The following FHIT variants were observed in gnomAD, a reference collection of about 807,000 sequenced individuals.
The protein encoded by FHIT is fragile histidine triad diadenosine triphosphatase, also known as bis(5'-adenosyl)-triphosphatase.
Under a neutral mutation model 17.9 loss-of-function variants are expected in FHIT, and 19 were observed. The observed-to-expected ratio is 1.06, with a 90% CI of 0.74 to 1.56. The LOEUF (loss-of-function observed/expected upper bound fraction) is 1.56, where lower values mean the gene tolerates loss of function less well. FHIT is among the 40% of genes most tolerant of loss of function. The pLI, the probability that FHIT is intolerant of heterozygous loss-of-function variation, is 0.00. For missense variants in FHIT, 248 were observed against 189.2 expected (o/e 1.31, Z -1.82); for synonymous variants, 81 against 69.7 (o/e 1.16, Z -0.81).
intron 2 of FHIT, among the ~76,000 whole-genome samples, chr3:61,049,475 G>A (rs1269575537): frequency 6.6e-6 from 1 of 151,898 alleles, no homozygotes; most frequent in African/African-American, 2.4e-5. Flanking sequence ...TACTATGAGT[G>A]GACATAAAAC....
At chr3:60,953,444 A>C (rs369802673) in intron 3 of FHIT, among the ~76,000 whole-genome samples, 1 of 76,670 alleles carries the variant, frequency 1.3e-5, no homozygotes, top group African/African-American at 5.7e-5. Context: ...TATCCTACTT[A>C]AAAAAAAAAG....
chr3:60,231,029 T>C (rs1332825967), intron 5 of FHIT, among the ~76,000 whole-genome samples: 2 of 152,186 alleles, frequency 1.3e-5, no homozygotes, highest in Non-Finnish European at 2.9e-5. Context: ...ATAACCATTC[T>C]AATGTGAGCA....
intron 5 of FHIT, among the ~76,000 whole-genome samples, chr3:60,492,409 G>A (rs747854266): frequency 6.6e-6 from 1 of 152,076 alleles, no homozygotes; most frequent in African/African-American, 2.4e-5. Flanking sequence ...ATAGGAAAAA[G>A]GTTAAGAAAT....
intron 5 of FHIT, among the ~76,000 whole-genome samples, chr3:60,389,284 C>G (rs963703001): frequency 1.3e-5 from 2 of 151,118 alleles, no homozygotes; most frequent in African/African-American, 4.9e-5. Context: ...CTGATGCATG[C>G]TGAAGTGTGA....
In FHIT at chr3:59,888,780, T is replaced by C. The variant is rs560080599; in HGVS notation, c.348+33566A>G. Among the ~76,000 whole-genome samples, 86 of 152,326 alleles carry C rather than the reference T, an allele frequency of 5.6e-4. 1 individual carries two copies. In the South Asian group the frequency reaches 0.017, roughly 30 times the overall value. The stretch of plus-strand genomic sequence containing the variant: ...CTCATCTGTCTTAGTCTGCTTTTGC[T>C]GCTTTAACAGAATACCTGAGACTGG... On this transcript the variant is annotated intron_variant, in intron 8 of 9. Transcript: ENST00000492590.
chr3:61,030,394 T>C (rs1028628718), intron 3 of FHIT, among the ~76,000 whole-genome samples: 10 of 152,272 alleles, frequency 6.6e-5, no homozygotes, highest in African/African-American at 1.9e-4. Flanking sequence ...TTATGGTATG[T>C]AGCCACTAGC....
chr3:60,249,002 T>C (rs1043281391), intron 5 of FHIT, among the ~76,000 whole-genome samples: 5 of 152,198 alleles, frequency 3.3e-5, no homozygotes, highest in African/African-American at 9.6e-5. Flanking sequence ...TTTCCACAAT[T>C]GCATCTTTTC....
At chr3:60,336,894 C>CAA (rs35302219) in intron 5 of FHIT, among the ~76,000 whole-genome samples, 28 of 104,838 alleles carry the variant, frequency 2.7e-4, no homozygotes, top group East Asian at 1.3e-3. Context: ...TCAAAGTAAG[C>CAA]AAAAAAAAAA....
At chr3:61,033,336 T>C (rs545264440) in intron 3 of FHIT, among the ~76,000 whole-genome samples, 1 of 152,310 alleles carries the variant, frequency 6.6e-6, no homozygotes, top group African/African-American at 2.4e-5. Context: ...TAGTAGCCAC[T>C]GGCCACATAA....
intron 5 of FHIT, among the ~76,000 whole-genome samples, chr3:60,358,499 A>G (rs1270218072): frequency 1.3e-5 from 2 of 152,194 alleles, no homozygotes; most frequent in Non-Finnish European, 2.9e-5. Flanking sequence ...TATTCTTAAG[A>G]CGTAAATCAC....
At chr3:59,889,785 C>T (rs1476894707) in intron 8 of FHIT, among the ~76,000 whole-genome samples, 1 of 152,174 alleles carries the variant, frequency 6.6e-6, no homozygotes, top group Admixed American at 6.5e-5. Flanking sequence ...TTCATAAGCA[C>T]ACACATAAGA....
At chr3:60,032,019 C>G (rs982125889) in intron 5 of FHIT, among the ~76,000 whole-genome samples, 8 of 152,034 alleles carry the variant, frequency 5.3e-5, no homozygotes, top group African/African-American at 1.9e-4. Context: ...ATCATTTATT[C>G]TAGAAGTACT....
intron 5 of FHIT, among the ~76,000 whole-genome samples, chr3:60,052,430 G>A (rs999976267): frequency 3.9e-5 from 6 of 152,094 alleles, no homozygotes; most frequent in African/African-American, 1.4e-4. Context: ...CTCATTCTGA[G>A]GGCTGCCCGA....
rs1219009137 is a variant in FHIT, at chr3:60,569,725, CTATA to C, written c.-17-32750_-17-32747del. On this transcript the variant is annotated intron_variant, in intron 4 of 9. Transcript: ENST00000492590. ...ATTTAGAGATATTTATTTATTAATACTATATATATATATATATATATATATATAT... is the reference window on the plus strand; with the variant it reads ...ATTTAGAGATATTTATTTATTAATACTATATATATATATATATATATATAT... Among the ~76,000 whole-genome samples, 202 of 39,102 alleles carry C rather than the reference CTATA, an allele frequency of 5.2e-3. 3 individuals are homozygous for C. Among genetic ancestry groups the C allele is most frequent in the African/African-American group, 0.013 (131 of 9,764 alleles). The allele number at this position is 39,102 out of a possible 152,430, so 25.7% of individuals were successfully genotyped here.
At chr3:60,662,769 T>G (rs1170043175) in intron 4 of FHIT, among the ~76,000 whole-genome samples, 2 of 152,156 alleles carry the variant, frequency 1.3e-5, no homozygotes, top group East Asian at 3.9e-4. Flanking sequence ...TTCACCTCCT[T>G]GGTTAGGTAT....
chr3:60,723,096 C>A (rs1197858900), intron 4 of FHIT, among the ~76,000 whole-genome samples: 1 of 152,192 alleles, frequency 6.6e-6, no homozygotes, highest in African/African-American at 2.4e-5. Context: ...CTAGACTCTT[C>A]TTCCTCAGAG....
At chr3:60,740,708 C>G (rs1009529474) in intron 4 of FHIT, among the ~76,000 whole-genome samples, 1 of 152,162 alleles carries the variant, frequency 6.6e-6, no homozygotes, top group African/African-American at 2.4e-5. Flanking sequence ...CAGGGTTGTT[C>G]TCTTAAACCA....
intron 3 of FHIT, among the ~76,000 whole-genome samples, chr3:60,876,988 A>T (rs1385459397): frequency 6.6e-6 from 1 of 152,184 alleles, no homozygotes; most frequent in African/African-American, 2.4e-5. Context: ...GAAAAAGGCA[A>T]GCAAGAGGAT....
chr3:60,683,656 T>A (rs1553697566), intron 4 of FHIT, among the ~76,000 whole-genome samples: 1 of 152,194 alleles, frequency 6.6e-6, no homozygotes, highest in African/African-American at 2.4e-5. Flanking sequence ...TGTGATGGTC[T>A]GGAAGTGAAC....
Sources: allele counts gnomAD v4.1 joint callset (sites outside exome capture counted in the v4.1 genomes callset), GRCh38; gene constraint gnomAD v4.1.1; transcripts MANE v1.5; gene names NCBI Gene and HGNC (gene_info 2026-07-23, HGNC 2026-07-21).